Variants in UNC5C observed in about 807,000 individuals in gnomAD.
UNC5C encodes the protein unc-5 netrin receptor C, also known as netrin receptor UNC5C.
Under a neutral mutation model 99.8 loss-of-function variants are expected in UNC5C, and 47 were observed. The ratio of observed to expected loss-of-function variants is 0.47; its 90% CI spans 0.37 to 0.60. The LOEUF (loss-of-function observed/expected upper bound fraction) is 0.60. Among genes scored for constraint, UNC5C ranks in the 20% least tolerant of loss-of-function variants. The pLI is 0.00. For missense variants in UNC5C, 1,062 were observed against 1,165.9 expected, an observed-to-expected ratio of 0.91 and a Z score of 1.30; for synonymous variants, 487 against 452.2, an observed-to-expected ratio of 1.08 and a Z score of -0.98.
intron 1 of UNC5C, among the ~76,000 whole-genome samples, chr4:95,511,255 T>C (rs1257045533): frequency 6.6e-6 from 1 of 151,574 alleles, no homozygotes; most frequent in Non-Finnish European, 1.5e-5. Flanking sequence ...CACTTGCATA[T>C]TTTTAATTGT....
chr4:95,464,583 C>T (rs1053087162), intron 1 of UNC5C, among the ~76,000 whole-genome samples: 6 of 152,000 alleles, frequency 3.9e-5, no homozygotes, highest in African/African-American at 1.4e-4. Flanking sequence ...AACAAGAATG[C>T]ATAATTAAAT....
At chr4:95,408,381 G>A (rs988959271) in intron 1 of UNC5C, among the ~76,000 whole-genome samples, 7 of 152,062 alleles carry the variant, frequency 4.6e-5, no homozygotes, top group Non-Finnish European at 8.8e-5. Flanking sequence ...TTTCTGTTCT[G>A]TATCACATAA....
chr4:95,179,762 A>G lies in UNC5C; in HGVS notation c.2451+3135T>C, dbSNP rs552754306. Among the ~76,000 whole-genome samples, 327 of 151,588 alleles carry G rather than the reference A, an allele frequency of 2.2e-3. 3 individuals carry two copies. The highest frequency in any genetic ancestry group is 7.2e-3 in the African/African-American group (297 of 41,372). ...ACTCCTTCTCAAAAAAAAAAAAAAAAAAAGAAAAAGATGACTGACTAATAA... is the reference window on the plus strand; with the variant it reads ...ACTCCTTCTCAAAAAAAAAAAAAAAGAAAGAAAAAGATGACTGACTAATAA... On this transcript the variant is annotated intron_variant, in intron 14 of 15. Transcript: ENST00000453304.
intron 3 of UNC5C, among the ~76,000 whole-genome samples, chr4:95,285,432 A>G (rs932093577): frequency 6.6e-6 from 1 of 152,170 alleles, no homozygotes; most frequent in Admixed American, 6.6e-5. Context: ...TAGATATTGA[A>G]TCTGAAAAGT....
At chr4:95,272,003 T>G (rs1054464397) in intron 4 of UNC5C, among the ~76,000 whole-genome samples, 3 of 152,182 alleles carry the variant, frequency 2.0e-5, no homozygotes, top group African/African-American at 7.2e-5. Flanking sequence ...ACTCAGATCT[T>G]TTCAAGACTA....
intron 4 of UNC5C, among the ~76,000 whole-genome samples, chr4:95,261,024 C>G (rs1740202448): frequency 6.6e-6 from 1 of 152,080 alleles, no homozygotes; most frequent in Admixed American, 6.5e-5. Context: ...GAGCAGAGAT[C>G]CAAATTCAGG....
At chr4:95,386,447 A>G (rs371555652) in intron 1 of UNC5C, among the ~76,000 whole-genome samples, 17 of 151,864 alleles carry the variant, frequency 1.1e-4, no homozygotes, top group African/African-American at 4.1e-4. Context: ...ACTTCTCCAC[A>G]TTTTTTCAAT....
intron 2 of UNC5C, among the ~76,000 whole-genome samples, chr4:95,319,871 T>C (rs1490971507): frequency 6.6e-6 from 1 of 152,182 alleles, no homozygotes; most frequent in African/African-American, 2.4e-5. Flanking sequence ...GAATAATGGG[T>C]ACTAAGATTT....
At chr4:95,530,157 G>C (rs560697509) in intron 1 of UNC5C, among the ~76,000 whole-genome samples, 1 of 152,258 alleles carries the variant, frequency 6.6e-6, no homozygotes, top group South Asian at 2.1e-4. Context: ...TAAATTTTCT[G>C]TCTTGCTTTT....
At position 95,165,047 on chromosome 4, in the gene UNC5C, A is replaced by G. The variant is rs889526787; in HGVS notation, c.*4187T>C. 12 of 152,232 alleles carry G rather than the reference A, an allele frequency of 7.9e-5. No individual in the cohort carries two copies. Among genetic ancestry groups the G allele is most frequent in the Non-Finnish European group, 1.8e-4 (12 of 68,048 alleles). The allele number at this position is 152,232 out of a possible 1,614,324, so 9.4% of individuals were successfully genotyped here. A position where few individuals can be genotyped will look rare whatever the true frequency, so the allele number is the denominator to read the frequency against. On this transcript the variant is annotated 3_prime_UTR_variant, in exon 16 of 16. Coordinates refer to ENST00000453304, the MANE Select transcript of UNC5C (RefSeq NM_003728.4). ...ACAGAGGAGTAAGCAGACCAAGAGCACAGCTGCTGTGATCCTGACAGAGAC... is the reference window on the plus strand; with the variant it reads ...ACAGAGGAGTAAGCAGACCAAGAGCGCAGCTGCTGTGATCCTGACAGAGAC...
intron 1 of UNC5C, among the ~76,000 whole-genome samples, chr4:95,383,430 G>A (rs1363507767): frequency 6.6e-6 from 1 of 152,074 alleles, no homozygotes; most frequent in East Asian, 1.9e-4. Context: ...GAAGTTAAAA[G>A]CAAATCTCTT....
In UNC5C at chr4:95,354,208, TA is replaced by T. The variant is rs1319187913; in HGVS notation, c.125-18578del. 2.6e-5 allele frequency among the ~76,000 whole-genome samples: 4 copies of T among 151,982 alleles called. No individual in the cohort carries two copies. In the East Asian group the frequency reaches 7.7e-4, roughly 29 times the overall value. On this transcript the variant is annotated intron_variant, in intron 1 of 15. Coordinates refer to ENST00000453304, the MANE Select transcript of UNC5C (RefSeq NM_003728.4). ...TAACTGTTGTTGTGTGCCTGCTGTCTAAAGGTAAGATCTGACTAAGTCCCCC... is the reference window on the plus strand; with the variant it reads ...TAACTGTTGTTGTGTGCCTGCTGTCTAAGGTAAGATCTGACTAAGTCCCCC...
chr4:95,273,160 A>G (rs986727768), intron 4 of UNC5C, among the ~76,000 whole-genome samples: 1 of 152,256 alleles, frequency 6.6e-6, no homozygotes, highest in African/African-American at 2.4e-5. Flanking sequence ...ATGTTGATAA[A>G]TAAGATGACA....
chr4:95,234,477 A>G (rs956555644), intron 7 of UNC5C, among the ~76,000 whole-genome samples: 2 of 152,024 alleles, frequency 1.3e-5, no homozygotes, highest in South Asian at 2.1e-4. Flanking sequence ...GCTGCACCCA[A>G]TTAACTCGTC....
At chr4:95,409,160 T>C (rs1190322025) in intron 1 of UNC5C, among the ~76,000 whole-genome samples, 1 of 152,248 alleles carries the variant, frequency 6.6e-6, no homozygotes, top group African/African-American at 2.4e-5. Context: ...TCAGATTAGT[T>C]CCACCTCACA....
chr4:95,306,276 C>T (rs1409623308), intron 2 of UNC5C, among the ~76,000 whole-genome samples: 1 of 152,114 alleles, frequency 6.6e-6, no homozygotes, highest in Non-Finnish European at 1.5e-5. Flanking sequence ...GATCTTGGCT[C>T]ACTGCAAGCT....
intron 1 of UNC5C, among the ~76,000 whole-genome samples, chr4:95,450,393 A>AT (rs886903551): frequency 1.3e-5 from 2 of 151,972 alleles, no homozygotes; most frequent in African/African-American, 2.4e-5. Flanking sequence ...CTAATTAAAA[A>AT]TTTTTTTTCT....
chr4:95,471,879 C>G (rs746439093), intron 1 of UNC5C, among the ~76,000 whole-genome samples: 3 of 151,694 alleles, frequency 2.0e-5, no homozygotes, highest in Non-Finnish European at 4.4e-5. Context: ...TCCAAATAGC[C>G]TTAAAACATA....
At chr4:95,515,521 G>A (rs1722188384) in intron 1 of UNC5C, among the ~76,000 whole-genome samples, 1 of 152,218 alleles carries the variant, frequency 6.6e-6, no homozygotes, top group African/African-American at 2.4e-5. Flanking sequence ...TCCTTAGTGA[G>A]CCTCAGTTTT....
Sources: allele counts gnomAD v4.1 joint callset (sites outside exome capture counted in the v4.1 genomes callset), GRCh38; gene constraint gnomAD v4.1.1; transcripts MANE v1.5; gene names NCBI Gene and HGNC (gene_info 2026-07-23, HGNC 2026-07-21).